The following WWOX variants were observed in gnomAD, a reference collection of about 807,000 sequenced individuals.
The protein encoded by WWOX is WW domain containing oxidoreductase.
Under a neutral mutation model 46.2 loss-of-function variants are expected in WWOX, and 69 were observed. The ratio of observed to expected loss-of-function variants is 1.49; its 90% CI spans 1.23 to 1.82. WWOX has a LOEUF of 1.82. Among genes scored for constraint, WWOX ranks in the 40% most tolerant of loss-of-function variants. WWOX has a pLI of 0.00. For synonymous variants in WWOX, 359 were observed against 202.6 expected (o/e 1.77, Z -6.56); for missense variants, 919 against 542.6 (o/e 1.69, Z -6.89).
intron 8 of WWOX, among the ~76,000 whole-genome samples, chr16:78,635,415 G>A (rs899274569): frequency 3.3e-5 from 5 of 152,070 alleles, no homozygotes; most frequent in African/African-American, 4.8e-5. Flanking sequence ...CTAGGGGAGC[G>A]CTAATGTGTT....
intron 5 of WWOX, among the ~76,000 whole-genome samples, chr16:78,266,257 C>T (rs777143063): frequency 6.6e-6 from 1 of 152,188 alleles, no homozygotes; most frequent in African/African-American, 2.4e-5. Flanking sequence ...ATTCAAATTT[C>T]AGTGTTCATA....
At chr16:78,708,684 A>C (rs1298346685) in intron 8 of WWOX, among the ~76,000 whole-genome samples, 1 of 152,240 alleles carries the variant, frequency 6.6e-6, no homozygotes, top group African/African-American at 2.4e-5. Flanking sequence ...CAGTGAGTTC[A>C]GTGGCTTTGC....
intron 8 of WWOX, among the ~76,000 whole-genome samples, chr16:78,513,079 C>T (rs577959489): frequency 1.2e-4 from 19 of 152,276 alleles, no homozygotes; most frequent in African/African-American, 4.6e-4. Flanking sequence ...ACGTAATGAA[C>T]ATGTGCCTTT....
In WWOX at chr16:78,528,317, A is replaced by G. The variant is rs565792548; in HGVS notation, c.1056+95565A>G. ...ACATGAGCCACCACACCCGCCCTAC[A>G]TGGGTATTCTAACCCAGTCTAGTGA... On this transcript the variant is annotated intron_variant, in intron 8 of 8. Transcript: ENST00000566780. Among the ~76,000 whole-genome samples the G allele has an allele frequency of 9.3e-5, 14 of 151,126 alleles. No homozygotes were observed. The East Asian group carries it at 2.4e-3, about 25-fold the overall frequency.
At chr16:79,011,792 C>A (rs1042856501) in intron 8 of WWOX, among the ~76,000 whole-genome samples, 4 of 151,806 alleles carry the variant, frequency 2.6e-5, no homozygotes, top group African/African-American at 7.3e-5. Flanking sequence ...CATGCCCGGC[C>A]CCCTTTTTTA....
In WWOX at chr16:78,218,253, G is replaced by A. The variant is rs118164116; in HGVS notation, c.516+53964G>A. 5.8e-3 allele frequency among the ~76,000 whole-genome samples: 889 copies of A among 152,036 alleles called. 8 individuals are homozygous for A. Among genetic ancestry groups the A allele is most frequent in the Non-Finnish European group, 9.5e-3 (643 of 67,994 alleles). The stretch of plus-strand genomic sequence containing the variant: ...CTTATATTTATGTATGTGCATGTGT[G>A]TTTATATATATATATTTGTAGAAAT... On this transcript the variant is annotated intron_variant, in intron 5 of 8. Coordinates refer to ENST00000566780, the MANE Select transcript of WWOX (RefSeq NM_016373.4).
At chr16:78,554,297 C>T (rs2044238505) in intron 8 of WWOX, among the ~76,000 whole-genome samples, 1 of 152,092 alleles carries the variant, frequency 6.6e-6, no homozygotes, top group Non-Finnish European at 1.5e-5. Flanking sequence ...TAGTAATATG[C>T]CTAGTGTTCC....
intron 8 of WWOX, among the ~76,000 whole-genome samples, chr16:78,950,835 G>C (rs2046045346): frequency 1.3e-5 from 2 of 152,178 alleles, no homozygotes; most frequent in African/African-American, 4.8e-5. Flanking sequence ...CCAGACTTTT[G>C]AAGCAGGGGC....
chr16:78,349,656 A>G lies in WWOX; in HGVS notation c.517-37204A>G, dbSNP rs960189235. Among the ~76,000 whole-genome samples the G allele has an allele frequency of 1.7e-5, 2 of 120,082 alleles. 1 individual carries two copies. Among genetic ancestry groups the G allele is most frequent in the African/African-American group, 5.7e-5 (2 of 35,340 alleles). 78.8% of individuals were successfully genotyped at this position (120,082 alleles called of 152,430 possible). A position where few individuals can be genotyped will look rare whatever the true frequency, so the allele number is the denominator to read the frequency against. On this transcript the variant is annotated intron_variant, in intron 5 of 8. Transcript: ENST00000566780. ...TGAGCCCTAATGGTGCACCCTTCCG[A>G]CAATCCTTCATCCTTCCCAGACGTT... is the stretch of plus-strand genomic sequence containing the variant.
At chr16:79,032,697 C>T (rs991315550) in intron 8 of WWOX, among the ~76,000 whole-genome samples, 2 of 150,586 alleles carry the variant, frequency 1.3e-5, no homozygotes, top group South Asian at 2.1e-4. Flanking sequence ...CACACACACA[C>T]ATTTCAACTT....
In WWOX at chr16:78,828,924, G is replaced by T. The variant is rs78779807; in HGVS notation, c.1057-382684G>T. Among the ~76,000 whole-genome samples the T allele has an allele frequency of 3.2e-3, 480 of 152,256 alleles. 10 individuals carry two copies. The East Asian group carries it at 0.052, about 17-fold the overall frequency. ...TAGTTTTCCCCCTTTTAGAGATAAG[G>T]TAATCAAAACTTATAGAGGTTAAAG... On this transcript the variant is annotated intron_variant, in intron 8 of 8. Transcript: ENST00000566780.
intron 8 of WWOX, chr16:79,196,317 G>C (rs1246822282): frequency 2.0e-5 from 3 of 152,158 alleles, no homozygotes; most frequent in African/African-American, 7.2e-5. Flanking sequence ...GAGAGACCAA[G>C]TTGAAAAATG....
intron 6 of WWOX, among the ~76,000 whole-genome samples, chr16:78,412,636 C>A (rs1216116886): frequency 1.3e-5 from 2 of 152,034 alleles, no homozygotes; most frequent in Non-Finnish European, 2.9e-5. Context: ...GGAAAGTGAG[C>A]CAGAAGTGAG....
chr16:79,070,678 C>G (rs1249865821), intron 8 of WWOX, among the ~76,000 whole-genome samples: 1 of 152,182 alleles, frequency 6.6e-6, no homozygotes, highest in Non-Finnish European at 1.5e-5. Flanking sequence ...TGTCAACAAT[C>G]CAGGAGCTGG....
intron 8 of WWOX, among the ~76,000 whole-genome samples, chr16:78,645,818 A>T (rs1196107382): frequency 6.6e-6 from 1 of 152,144 alleles, no homozygotes; most frequent in Non-Finnish European, 1.5e-5. Context: ...CCTTGGGCCA[A>T]AATCAAGGTG....
intron 5 of WWOX, among the ~76,000 whole-genome samples, chr16:78,380,642 G>A (rs1463425138): frequency 6.6e-6 from 1 of 152,056 alleles, no homozygotes; most frequent in Non-Finnish European, 1.5e-5. Context: ...CACAATATAA[G>A]GATCTAGAGT....
Position 78,209,659 on chromosome 16 carries a change from C to A in WWOX, c.516+45370C>A, listed in dbSNP as rs557490414. ...TACATGTGGAGTCAATTGGGAGTACCTTTTGTATCCTCTAGTCTGAGCCTT... is the reference window on the plus strand; with the variant it reads ...TACATGTGGAGTCAATTGGGAGTACATTTTGTATCCTCTAGTCTGAGCCTT... On this transcript the variant is annotated intron_variant, in intron 5 of 8. Coordinates refer to ENST00000566780, the MANE Select transcript of WWOX (RefSeq NM_016373.4). Among the ~76,000 whole-genome samples, 9 of 151,722 alleles carry A rather than the reference C, an allele frequency of 5.9e-5. No homozygotes were observed. The South Asian group carries it at 1.9e-3, about 32-fold the overall frequency.
chr16:78,219,951 A>G (rs1351206874), intron 5 of WWOX, among the ~76,000 whole-genome samples: 1 of 152,230 alleles, frequency 6.6e-6, no homozygotes, highest in Non-Finnish European at 1.5e-5. Flanking sequence ...AACTATATAT[A>G]TCACAATAAA....
chr16:78,419,912 C>A (rs1322249176), intron 6 of WWOX, among the ~76,000 whole-genome samples: 1 of 151,970 alleles, frequency 6.6e-6, no homozygotes, highest in African/African-American at 2.4e-5. Context: ...GGATTTGTAT[C>A]TAGAATAAAG....
Sources: allele counts gnomAD v4.1 joint callset (sites outside exome capture counted in the v4.1 genomes callset), GRCh38; gene constraint gnomAD v4.1.1; transcripts MANE v1.5; gene names NCBI Gene and HGNC (gene_info 2026-07-23, HGNC 2026-07-21).